COL24A1: variants seen among roughly 807,000 people sequenced by gnomAD.
COL24A1 encodes the protein collagen alpha-1(XXIV) chain.
Under a neutral mutation model 253.9 loss-of-function variants are expected in COL24A1, and 224 were observed. The observed-to-expected ratio is 0.88, with a 90% CI of 0.79 to 0.99. The LOEUF is 0.99. Ranked by LOEUF, COL24A1 falls within the 50% of genes least tolerant of loss-of-function variation. The pLI is 0.00. For synonymous variants in COL24A1, 685 were observed against 673.7 expected (o/e 1.02, Z -0.26); for missense variants, 2,131 against 2,068.5 (o/e 1.03, Z -0.59).
chr1:85,869,067 T>A (rs12029238), intron 35 of COL24A1, among the ~76,000 whole-genome samples: 1 of 151,858 alleles, frequency 6.6e-6, no homozygotes, highest in African/African-American at 2.4e-5. Context: ...ATAAGATGAT[T>A]CCAGAATATT....
At chr1:85,910,127 T>C (rs2102921650) in intron 25 of COL24A1, 124 bp from the exon 26 acceptor site, 1 of 563,852 alleles carries the variant, frequency 1.8e-6, no homozygotes, top group African/African-American at 1.9e-5. Context: ...CATTTTTATT[T>C]CCAATAATTT....
At chr1:85,822,764 G>A (rs902873085) in intron 45 of COL24A1, among the ~76,000 whole-genome samples, 1 of 151,984 alleles carries the variant, frequency 6.6e-6, no homozygotes, top group Admixed American at 6.6e-5. Context: ...CTGCCAAGTC[G>A]GTTTAGCAAG....
At chr1:86,139,389 T>C (rs1468050628) in intron 2 of COL24A1, among the ~76,000 whole-genome samples, 1 of 152,162 alleles carries the variant, frequency 6.6e-6, no homozygotes, top group East Asian at 1.9e-4. Context: ...ATCCAATGGT[T>C]ATAACTCATT....
chr1:85,916,527 A>T (rs1174845832), intron 24 of COL24A1, among the ~76,000 whole-genome samples: 2 of 152,138 alleles, frequency 1.3e-5, no homozygotes, highest in Non-Finnish European at 2.9e-5. Context: ...TATACATAAT[A>T]ATAATAAAAT....
intron 24 of COL24A1, among the ~76,000 whole-genome samples, chr1:85,959,165 C>T (rs1034933362): frequency 6.6e-6 from 1 of 152,076 alleles, no homozygotes; most frequent in Non-Finnish European, 1.5e-5. Flanking sequence ...ATTAGATGAA[C>T]TATATTTCTA....
intron 3 of COL24A1, among the ~76,000 whole-genome samples, chr1:86,124,034 TATGAAGC>T (rs1189166830): frequency 1.3e-5 from 2 of 151,980 alleles, no homozygotes; most frequent in African/African-American, 4.8e-5. Context: ...AGTATACAAA[TATGAAGC>T]ATAAAAAGAA....
intron 55 of COL24A1, 64 bp from the exon 56 acceptor site, chr1:85,745,570 G>C: frequency 1.7e-6 from 2 of 1,199,698 alleles, no homozygotes; most frequent in Non-Finnish European, 2.4e-6. Flanking sequence ...TAAAGTAAAG[G>C]CTGTAAATTC....
chr1:86,120,422 A>G (rs890913228), intron 3 of COL24A1, among the ~76,000 whole-genome samples: 6 of 152,232 alleles, frequency 3.9e-5, no homozygotes, highest in Non-Finnish European at 8.8e-5. Flanking sequence ...CAGAATCTAC[A>G]AATAACTTAA....
Position 85,877,158 on chromosome 1 carries a change from T to C in COL24A1, c.2994A>G (p.Gln998=), listed in dbSNP as rs1245517496. The C allele has an allele frequency of 1.2e-6, 2 of 1,606,490 alleles. No homozygotes were observed. The highest frequency in any genetic ancestry group is 1.7e-5 in the Admixed American group (1 of 59,096). ...TTTCTCCAGGAGGTCCAACATCACC[T>C]TGCAGTCCTCGCAGTCCCTATATTA... The part of the protein sequence containing the change: ...LPGEPGLRGL[Q]GDVGPPGEMG... The change falls in exon 33 of 60, where the codon CAA becomes CAG. Residue 998 remains glutamine, a synonymous_variant. Transcript: ENST00000370571.
intron 32 of COL24A1, among the ~76,000 whole-genome samples, chr1:85,878,567 C>G (rs995520777): frequency 6.6e-6 from 1 of 152,156 alleles, no homozygotes; most frequent in Admixed American, 6.5e-5. Context: ...TTTGTGTGGA[C>G]ATAAGTTTTC....
chr1:85,934,215 T>G (rs1345546063), intron 24 of COL24A1, among the ~76,000 whole-genome samples: 2 of 152,212 alleles, frequency 1.3e-5, no homozygotes, highest in Non-Finnish European at 2.9e-5. Context: ...TAGCACACAT[T>G]GACTTCTGCC....
In COL24A1 at chr1:86,132,719, G is replaced by A. The variant is rs543950346; in HGVS notation, c.122-6505C>T. On this transcript the variant is annotated intron_variant, in intron 2 of 59. Transcript: ENST00000370571. ...CTGAGGGCTCTGTTCTGTTCCATTG[G>A]TCTATATCTCTGTTTTGGTACCAGT... Among the ~76,000 whole-genome samples, 23 of 152,182 alleles carry A rather than the reference G, an allele frequency of 1.5e-4. No individual in the cohort carries two copies. In the South Asian group the frequency reaches 2.9e-3, roughly 19 times the overall value.
At chr1:85,823,448 A>G (rs1445542407) in intron 45 of COL24A1, 88 bp downstream of exon 45, 1 of 1,230,588 alleles carries the variant, frequency 8.1e-7, no homozygotes, top group Non-Finnish European at 1.2e-6. Flanking sequence ...TGATAATTTG[A>G]ATTACAATAA....
intron 20 of COL24A1, among the ~76,000 whole-genome samples, chr1:85,973,991 T>C (rs996361193): frequency 6.6e-6 from 1 of 152,158 alleles, no homozygotes; most frequent in Non-Finnish European, 1.5e-5. Context: ...ATTGTTTAAG[T>C]GTGTAACTAA....
At chr1:86,037,041 T>G (rs1699086711) in intron 12 of COL24A1, among the ~76,000 whole-genome samples, 1 of 152,226 alleles carries the variant, frequency 6.6e-6, no homozygotes, top group Non-Finnish European at 1.5e-5. Flanking sequence ...AGAGTCACAT[T>G]GTTGCTTCTG....
At chr1:85,939,097 G>A (rs1168097428) in intron 24 of COL24A1, among the ~76,000 whole-genome samples, 3 of 151,968 alleles carry the variant, frequency 2.0e-5, no homozygotes, top group Non-Finnish European at 4.4e-5. Context: ...ATCCATTGAG[G>A]GCCATGGAAA....
In COL24A1 at chr1:85,873,435, AC is replaced by A. The variant is rs541860103; in HGVS notation, c.3138+1213del. ...TCACTATAGCAAAGACTTGGAACCA[AC>A]CCAAATGTCCATCAATGATAGACTG... is the stretch of plus-strand genomic sequence containing the variant. On this transcript the variant is annotated intron_variant, in intron 35 of 59. Coordinates refer to ENST00000370571, the MANE Select transcript of COL24A1 (RefSeq NM_152890.7). Among the ~76,000 whole-genome samples the A allele has an allele frequency of 1.9e-3, 290 of 152,320 alleles. 1 individual carries two copies. Among genetic ancestry groups the A allele is most frequent in the African/African-American group, 6.8e-3 (283 of 41,576 alleles).
chr1:85,874,825 T>C (rs1045950074), intron 34 of COL24A1, 123 bp from the exon 35 acceptor site: 56 of 995,520 alleles, frequency 5.6e-5, no homozygotes, highest in Non-Finnish European at 7.7e-5. Context: ...GTCCAAGGCC[T>C]GTTAGGAAAT....
At chr1:85,991,041 T>C (rs761850124) in intron 19 of COL24A1, among the ~76,000 whole-genome samples, 7 of 152,204 alleles carry the variant, frequency 4.6e-5, no homozygotes, top group African/African-American at 7.2e-5. Flanking sequence ...GCACTGAGCA[T>C]CAACTATTAC....
Sources: gnomAD v4.1 joint callset for allele counts (sites outside exome capture counted in the v4.1 genomes callset) on GRCh38, gnomAD v4.1.1 for gene constraint, MANE v1.5 for transcripts, NCBI Gene and HGNC (gene_info 2026-07-23, HGNC 2026-07-21) for gene names.